PITPNM3: variants seen among roughly 807,000 people sequenced by gnomAD.
The protein encoded by PITPNM3 is PITPNM family member 3.
Under a neutral mutation model 102.0 loss-of-function variants are expected in PITPNM3, and 26 were observed. The ratio of observed to expected loss-of-function variants is 0.25; its 90% CI spans 0.19 to 0.35. The LOEUF (loss-of-function observed/expected upper bound fraction) is 0.35, where lower values mean the gene tolerates loss of function less well. Ranked by LOEUF, PITPNM3 falls within the 10% of genes least tolerant of loss-of-function variation. The pLI, the probability that PITPNM3 is intolerant of heterozygous loss-of-function variation, is 1.00. For missense variants in PITPNM3, 1,083 were observed against 1,346.1 expected, an observed-to-expected ratio of 0.80 and a Z score of 3.06; for synonymous variants, 578 against 558.6, an observed-to-expected ratio of 1.03 and a Z score of -0.49.
chr17:6,502,490 G>A (rs1287828339), intron 4 of PITPNM3, among the ~76,000 whole-genome samples: 2 of 152,100 alleles, frequency 1.3e-5, no homozygotes, highest in South Asian at 2.1e-4. Context: ...TCTGGCAGGG[G>A]ATGCCTGTGC....
Position 6,478,233 on chromosome 17 carries a change from G to GA in PITPNM3, c.778-137dup. On this transcript the variant is annotated intron_variant, in intron 7 of 19. Coordinates refer to ENST00000262483, the MANE Select transcript of PITPNM3 (RefSeq NM_031220.4). The surrounding 1 kb of genome is among the most constrained non-coding windows in gnomAD (Gnocchi z 4.4). ...GGAGGTGTTGAGAGAGCCCAACTGG[G>GA]AAGCAGTGTGCAAACTGGGGAGGGT... 7.0e-7 allele frequency: 1 copy of GA among 1,437,622 alleles called. No individual in the cohort carries two copies. The highest frequency in any genetic ancestry group is 9.4e-7 in the Non-Finnish European group (1 of 1,061,498). The allele number at this position is 1,437,622 out of a possible 1,614,324, so 89.1% of individuals were successfully genotyped here. A position where few individuals can be genotyped will look rare whatever the true frequency, so the allele number is the denominator to read the frequency against.
chr17:6,547,310 C>T (rs1910077548), intron 1 of PITPNM3, among the ~76,000 whole-genome samples: 2 of 152,198 alleles, frequency 1.3e-5, no homozygotes, highest in South Asian at 2.1e-4. Context: ...ATTTAAATAC[C>T]CATTAATTAC....
chr17:6,514,361 T>C (rs1254604512), intron 3 of PITPNM3, among the ~76,000 whole-genome samples: 1 of 148,226 alleles, frequency 6.7e-6, no homozygotes, highest in Non-Finnish European at 1.5e-5. Context: ...GCATATCTGA[T>C]AAGGGTCTGG....
At chr17:6,462,318 C>T (rs147541727) in intron 17 of PITPNM3, among the ~76,000 whole-genome samples, 1 of 152,272 alleles carries the variant, frequency 6.6e-6, no homozygotes, top group Non-Finnish European at 1.5e-5. Flanking sequence ...TCCAGCTCCC[C>T]AGCGCCCTGA....
chr17:6,491,816 AATAT>A (rs71381397), intron 4 of PITPNM3, among the ~76,000 whole-genome samples: 1 of 62,064 alleles, frequency 1.6e-5, no homozygotes, highest in Admixed American at 1.7e-4. Flanking sequence ...GGGACAATGG[AATAT>A]ATATATATAT....
chr17:6,491,067 G>A (rs1214633936), intron 4 of PITPNM3, among the ~76,000 whole-genome samples: 1 of 64,692 alleles, frequency 1.5e-5, no homozygotes, highest in South Asian at 1.1e-3. Flanking sequence ...AGGGGAGGGG[G>A]AGGGGAGGAA....
At chr17:6,505,950 C>T (rs182048205) in intron 3 of PITPNM3, among the ~76,000 whole-genome samples, 1 of 152,236 alleles carries the variant, frequency 6.6e-6, no homozygotes, top group Admixed American at 6.5e-5. Context: ...TCAGTTTTGA[C>T]AGTAGAGGAA....
At chr17:6,519,429 G>A (rs1206149828) in intron 3 of PITPNM3, among the ~76,000 whole-genome samples, 6 of 151,370 alleles carry the variant, frequency 4.0e-5, no homozygotes, top group African/African-American at 1.5e-4. Context: ...TGAGGCAGGA[G>A]AATGACGTGA....
In PITPNM3 at chr17:6,470,320, G is replaced by A; in HGVS notation, c.1713C>T (p.Pro571=). 1 of 1,614,068 alleles carries A rather than the reference G, an allele frequency of 6.2e-7. No homozygotes were observed. The highest frequency in any genetic ancestry group is 8.5e-7 in the Non-Finnish European group (1 of 1,179,994). The change falls in exon 13 of 20, where the codon CCC becomes CCT. Residue 571 remains proline, a synonymous_variant. Coordinates refer to ENST00000262483, the MANE Select transcript of PITPNM3 (RefSeq NM_031220.4). This position sits in a 1 kb window ranked among gnomAD's most constrained non-coding sequence, Gnocchi z 4.8. ...CCCAGTAACTGGCGTGGAAGAGGTG[G>A]GGCAGGGCCACGGTGGGGAAGGCCG... ...VLTAFPTVAL[P]HLFHASYWES... is the part of the protein sequence containing the mutation.
In PITPNM3 at chr17:6,469,188, C is replaced by T. The variant is rs927623961; in HGVS notation, c.1774-847G>A. On this transcript the variant is annotated intron_variant, in intron 13 of 19. Transcript: ENST00000262483. The surrounding 1 kb of genome is among the most constrained non-coding windows in gnomAD (Gnocchi z 4.0). ...GGCACTCATCGCCAGTTGTAAATGC[C>T]GTCCAAGCTCTGATGACACCCACAT... 7.2e-5 allele frequency among the ~76,000 whole-genome samples: 11 copies of T among 152,184 alleles called. No individual in the cohort carries two copies. Among genetic ancestry groups the T allele is most frequent in the East Asian group, 3.9e-4 (2 of 5,182 alleles).
chr17:6,521,623 A>T (rs12951049), intron 3 of PITPNM3, among the ~76,000 whole-genome samples: 33,479 of 151,086 alleles, frequency 0.22, 4,214 homozygotes, highest in African/African-American at 0.35. Context: ...ATTAAAAAAA[A>T]ATATATATAT....
intron 1 of PITPNM3, among the ~76,000 whole-genome samples, chr17:6,539,230 T>C (rs1008705895): frequency 2.0e-5 from 3 of 152,184 alleles, no homozygotes; most frequent in Admixed American, 2.0e-4. Flanking sequence ...CAGTGTGAGC[T>C]GACGTTCCAC....
At chr17:6,489,517 C>A (rs909537538) in intron 4 of PITPNM3, among the ~76,000 whole-genome samples, 1 of 151,946 alleles carries the variant, frequency 6.6e-6, no homozygotes, top group Non-Finnish European at 1.5e-5. Context: ...GTCACCAGGC[C>A]AGGGCTCTTC....
rs894358497 is a variant in PITPNM3 at position 6,452,424 on chromosome 17, A to G, written c.*2914T>C. ...AACAAGGAGCTTTGGTCAGGCAGGA[A>G]GATCTGTTTCCAGCTGCTGGAGAGC... On this transcript the variant is annotated 3_prime_UTR_variant, in exon 20 of 20. Coordinates refer to ENST00000262483, the MANE Select transcript of PITPNM3 (RefSeq NM_031220.4). 1.3e-5 allele frequency: 2 copies of G among 152,212 alleles called. No homozygotes were observed. The highest frequency in any genetic ancestry group is 2.4e-5 in the African/African-American group (1 of 41,436). 9.4% of individuals were successfully genotyped at this position (152,212 alleles called of 1,614,324 possible).
chr17:6,484,112 C>G, intron 5 of PITPNM3, 104 bp downstream of exon 5: 1 of 1,297,212 alleles, frequency 7.7e-7, no homozygotes, highest in Non-Finnish European at 1.1e-6. Context: ...CACAGCAAGT[C>G]AGACGAAGAG....
At position 6,478,095 on chromosome 17, in the gene PITPNM3, C is replaced by T. The variant is rs748640059; in HGVS notation, c.780G>A (p.Val260=). Residue 260 remains valine, a splice_region_variant and synonymous_variant, in exon 8 of 20, where the codon GTG becomes GTA. Transcript: ENST00000262483. This position sits in a 1 kb window ranked among gnomAD's most constrained non-coding sequence, Gnocchi z 4.4. ...CCCCCACACAGTCCCCGATGAGACA[C>T]ACCTGGAAGAGATGCAGCTGGGACT... ...SSDGIGFSGQ[V]CLIGDCVGGL... is the part of the protein sequence containing the mutation. 9 of 1,613,290 alleles carry T rather than the reference C, an allele frequency of 5.6e-6. No homozygotes were observed. The highest frequency in any genetic ancestry group is 6.8e-6 in the Non-Finnish European group (8 of 1,180,050).
chr17:6,464,347 C>A, intron 15 of PITPNM3, 29 bp from the exon 16 acceptor site: 1 of 1,610,712 alleles, frequency 6.2e-7, no homozygotes, highest in East Asian at 2.2e-5. Context: ...TCAGGGACTC[C>A]CTGAAGGCTG....
At chr17:6,534,757 T>A (rs2150660062) in intron 2 of PITPNM3, among the ~76,000 whole-genome samples, 1 of 151,894 alleles carries the variant, frequency 6.6e-6, no homozygotes, top group African/African-American at 2.4e-5. Flanking sequence ...GGTTTCTCAT[T>A]CCTCTGGTCA....
At chr17:6,523,820 G>A (rs754105578) in intron 3 of PITPNM3, among the ~76,000 whole-genome samples, 10 of 152,320 alleles carry the variant, frequency 6.6e-5, no homozygotes, top group South Asian at 2.1e-4. Context: ...CCCTTCTCGT[G>A]GATGGGACAG....
Sources: allele counts gnomAD v4.1 joint callset (sites outside exome capture counted in the v4.1 genomes callset), GRCh38; gene constraint gnomAD v4.1.1; non-coding constraint Gnocchi (gnomAD v3.1); transcripts MANE v1.5; gene names NCBI Gene and HGNC (gene_info 2026-07-23, HGNC 2026-07-21).